PNOC: variants seen among roughly 807,000 people sequenced by gnomAD.
The protein encoded by PNOC is nociceptin.
Under a neutral mutation model 15.6 loss-of-function variants are expected in PNOC, and 10 were observed. The observed-to-expected ratio is 0.64, with a 90% CI of 0.40 to 1.09. The LOEUF is 1.09. PNOC is among the 50% of genes least tolerant of loss of function. The pLI is 0.01. For missense variants in PNOC, 220 were observed against 223.9 expected, an observed-to-expected ratio of 0.98 and a Z score of 0.11; for synonymous variants, 98 against 88.5, an observed-to-expected ratio of 1.11 and a Z score of -0.60.
intron 1 of PNOC, among the ~76,000 whole-genome samples, chr8:28,327,974 C>T (rs537571053): frequency 8.5e-4 from 129 of 151,260 alleles, no homozygotes; most frequent in Non-Finnish European, 1.6e-3. Context: ...CTCTCTGGGG[C>T]CTCTTTTATA....
intron 2 of PNOC, among the ~76,000 whole-genome samples, chr8:28,335,577 G>A (rs903815329): frequency 1.5e-4 from 23 of 152,086 alleles, no homozygotes; most frequent in African/African-American, 5.6e-4. Flanking sequence ...GCCCAGGCTG[G>A]AGTGCAGTGG....
chr8:28,342,646 C>T (rs928503174), intron 3 of PNOC, among the ~76,000 whole-genome samples: 2 of 152,210 alleles, frequency 1.3e-5, no homozygotes, highest in Non-Finnish European at 2.9e-5. Context: ...GGCACTATTT[C>T]GCATGGGCTC....
chr8:28,321,703 G>C (rs572351845), intron 1 of PNOC, among the ~76,000 whole-genome samples: 1 of 152,178 alleles, frequency 6.6e-6, no homozygotes, highest in South Asian at 2.1e-4. Context: ...CACAGGTAAC[G>C]ACAGAGCCAG....
At chr8:28,338,950 C>T in intron 2 of PNOC, 90 bp from the exon 3 acceptor site, 1 of 1,251,418 alleles carries the variant, frequency 8.0e-7, no homozygotes, top group African/African-American at 1.5e-5. Flanking sequence ...GAAGCACTTG[C>T]ACTGGTGCAG....
At chr8:28,342,354 C>CAAAA (rs34315819) in intron 3 of PNOC, among the ~76,000 whole-genome samples, 3 of 85,104 alleles carry the variant, frequency 3.5e-5, no homozygotes, top group African/African-American at 1.3e-4. Context: ...AACCCCATCT[C>CAAAA]AAAAAAAAAA....
At chr8:28,318,579 T>G (rs1264588746) in intron 1 of PNOC, among the ~76,000 whole-genome samples, 1 of 152,200 alleles carries the variant, frequency 6.6e-6, no homozygotes, top group Non-Finnish European at 1.5e-5. Flanking sequence ...TTTTTCTCAT[T>G]TGTAAAGTGT....
chr8:28,337,393 A>C (rs953497328), intron 2 of PNOC, among the ~76,000 whole-genome samples: 1 of 152,024 alleles, frequency 6.6e-6, no homozygotes, highest in African/African-American at 2.4e-5. Context: ...TCCGCCTCCC[A>C]GGTTCAAGCA....
In PNOC at chr8:28,339,179, C is replaced by T; in HGVS notation, c.266C>T (p.Ala89Val). The change falls in exon 3 of 4, where the codon GCT (alanine) becomes GTT (valine). Residue 89 changes from alanine (A) to valine (V), a missense_variant. Transcript: ENST00000301908. ...HVAAALYQPRASEMQHLRRMP... is the reference protein window; with the variant it reads ...HVAAALYQPRVSEMQHLRRMP... ...GCGGCTGCTCTCTACCAGCCGAGAG[C>T]TTCGGAGATGCAGCATCTGCGGCGA... is the stretch of plus-strand genomic sequence containing the variant. The T allele has an allele frequency of 6.2e-7, 1 of 1,613,702 alleles. No homozygotes were observed. Among genetic ancestry groups the T allele is most frequent in the South Asian group, 1.1e-5 (1 of 91,086 alleles).
At chr8:28,331,073 A>G (rs28545440) in intron 2 of PNOC, among the ~76,000 whole-genome samples, 5,312 of 152,246 alleles carry the variant, frequency 0.035, 315 homozygotes, top group African/African-American at 0.12. Context: ...TCCAGATAAC[A>G]GAGGAGGAGA....
chr8:28,333,643 T>C (rs1801364957), intron 2 of PNOC, among the ~76,000 whole-genome samples: 1 of 152,254 alleles, frequency 6.6e-6, no homozygotes, highest in African/African-American at 2.4e-5. Context: ...CTGTGGCATC[T>C]GGTTTGATCA....
chr8:28,328,962 C>T (rs987195892), intron 1 of PNOC, among the ~76,000 whole-genome samples, 173 bp from the exon 2 acceptor site: 5 of 152,112 alleles, frequency 3.3e-5, no homozygotes, highest in Admixed American at 6.5e-5. Flanking sequence ...TAGGCAGGGT[C>T]GCCTATGGCC....
rs13931 is a variant in PNOC, at chr8:28,342,977, C to A, written c.*83C>A. 0.29 allele frequency: 289,824 copies of A among 984,188 alleles called. 43,841 individuals are homozygous for A. The highest frequency in any genetic ancestry group is 0.42 in the Admixed American group (6,827 of 16,264). 61.0% of individuals were successfully genotyped at this position (984,188 alleles called of 1,614,324 possible). A position where few individuals can be genotyped will look rare whatever the true frequency, so the allele number is the denominator to read the frequency against. ...GATCCCCCAAACAGCATGTGCTCAG[C>A]CCCAGACCTGCCGCCTGGGAATCAG... On this transcript the variant is annotated 3_prime_UTR_variant, in exon 4 of 4. Transcript: ENST00000301908.
In PNOC at chr8:28,330,396, A is replaced by ATTTTATTTTTT. The variant is rs377288105; in HGVS notation, c.126+1117_126+1118insATTTTTTTTTT. Among the ~76,000 whole-genome samples, 142 of 80,260 alleles carry ATTTTATTTTTT rather than the reference A, an allele frequency of 1.8e-3. 1 individual carries two copies. The highest frequency in any genetic ancestry group is 2.0e-3 in the Non-Finnish European group (76 of 37,792). The allele number at this position is 80,260 out of a possible 152,430, so 52.7% of individuals were successfully genotyped here. On this transcript the variant is annotated intron_variant, in intron 2 of 3. Coordinates refer to ENST00000301908, the MANE Select transcript of PNOC (RefSeq NM_006228.5). ...ATTTTATTTTATTTTATTTTATTTTATTTTTTTTTTTTTTTTGAGACGGAG... is the reference window on the plus strand; with the variant it reads ...ATTTTATTTTATTTTATTTTATTTTATTTTATTTTTTTTTTTTTTTTTTTTTTGAGACGGAG...
chr8:28,338,292 T>C (rs1370610425), intron 2 of PNOC, among the ~76,000 whole-genome samples: 1 of 152,030 alleles, frequency 6.6e-6, no homozygotes, highest in African/African-American at 2.4e-5. Flanking sequence ...TGGAGAAACA[T>C]CGTGGTCCAG....
chr8:28,332,982 T>C (rs555828364), intron 2 of PNOC, among the ~76,000 whole-genome samples: 2 of 152,318 alleles, frequency 1.3e-5, no homozygotes, highest in Non-Finnish European at 2.9e-5. Flanking sequence ...AAAATTCTAC[T>C]GCAAAACGAG....
chr8:28,337,424 C>G (rs987478449), intron 2 of PNOC, among the ~76,000 whole-genome samples: 3 of 152,026 alleles, frequency 2.0e-5, no homozygotes, highest in Non-Finnish European at 4.4e-5. Context: ...TTCAGCCTCC[C>G]CAGTAGCTGG....
rs76959599 is a variant in PNOC, at chr8:28,334,973, T to C, written c.127-4067T>C. ...CTGTCAGCAACTAGGTTCCATGTGT[T>C]AAGCATCTCTGAGCAAAAGCTAAAT... On this transcript the variant is annotated intron_variant, in intron 2 of 3. Coordinates refer to ENST00000301908, the MANE Select transcript of PNOC (RefSeq NM_006228.5). Among the ~76,000 whole-genome samples, 100 of 152,328 alleles carry C rather than the reference T, an allele frequency of 6.6e-4. No homozygotes were observed. The East Asian group carries it at 0.018, about 28-fold the overall frequency.
intron 2 of PNOC, among the ~76,000 whole-genome samples, chr8:28,333,213 C>T (rs191681189): frequency 2.0e-5 from 3 of 152,272 alleles, no homozygotes; most frequent in African/African-American, 7.2e-5. Flanking sequence ...TGAGCTGCTC[C>T]TTTCATCCCC....
intron 1 of PNOC, among the ~76,000 whole-genome samples, chr8:28,318,904 A>G (rs1563325031): frequency 6.6e-6 from 1 of 152,226 alleles, no homozygotes; most frequent in Non-Finnish European, 1.5e-5. Context: ...GAAGGGAGTG[A>G]TTGCAGGATT....
Sources: gnomAD v4.1 joint callset for allele counts (sites outside exome capture counted in the v4.1 genomes callset) on GRCh38, gnomAD v4.1.1 for gene constraint, MANE v1.5 for transcripts, NCBI Gene and HGNC (gene_info 2026-07-23, HGNC 2026-07-21) for gene names.